PTPDC1: variants seen among roughly 807,000 people sequenced by gnomAD.
PTPDC1 encodes protein tyrosine phosphatase domain containing 1.
A neutral mutation model predicts 75.3 loss-of-function variants in PTPDC1; 53 were observed. The ratio of observed to expected loss-of-function variants is 0.70; its 90% CI spans 0.56 to 0.88. The LOEUF (loss-of-function observed/expected upper bound fraction) is 0.88, where lower values mean the gene tolerates loss of function less well. Among genes scored for constraint, PTPDC1 ranks in the 40% least tolerant of loss-of-function variants. The probability of loss-of-function intolerance (pLI) is 0.00; values close to 1 mark genes in which losing one functional copy is unlikely to be tolerated. For missense variants in PTPDC1, 925 were observed against 998.6 expected, an observed-to-expected ratio of 0.93 and a Z score of 0.99; for synonymous variants, 349 against 366.2, an observed-to-expected ratio of 0.95 and a Z score of 0.54.
rs114570151 is a variant in PTPDC1 at position 94,036,384 on chromosome 9, C to T, written c.-7+5257C>T. On this transcript the variant is annotated intron_variant, in intron 1 of 9. Transcript: ENST00000375360. ...TTGTAAGTGGTGTAAGATAGGAGTC[C>T]TGTTTGTTTCTTTTATTTTTTTTCA... Among the ~76,000 whole-genome samples the T allele has an allele frequency of 4.0e-3, 608 of 151,840 alleles. 4 individuals carry two copies. Among genetic ancestry groups the T allele is most frequent in the African/African-American group, 0.014 (567 of 41,420 alleles).
intron 1 of PTPDC1, among the ~76,000 whole-genome samples, chr9:94,050,040 C>G (rs1019808669): frequency 1.3e-5 from 2 of 152,080 alleles, no homozygotes; most frequent in African/African-American, 4.8e-5. Flanking sequence ...TCATGTAGTT[C>G]TCGTGGCTTG....
chr9:94,095,407 A>G lies in PTPDC1; in HGVS notation c.707A>G (p.Gln236Arg), dbSNP rs1171095206. The G allele has an allele frequency of 4.3e-6, 7 of 1,613,784 alleles. No individual in the cohort carries two copies. The highest frequency in any genetic ancestry group is 4.5e-5 in the East Asian group (2 of 44,860). The change falls in exon 5 of 9, where the codon CAG (glutamine) becomes CGG (arginine). Residue 236 changes from glutamine (Q) to arginine (R), a missense_variant. Transcript: ENST00000620992. ...DMVKVMTFAL[Q>R]EGKVAIHCHA... ...GTGAAGGTGATGACATTTGCCTTACAGGAAGGAAAAGTAGCTATCCATTGT... is the reference window on the plus strand; with the variant it reads ...GTGAAGGTGATGACATTTGCCTTACGGGAAGGAAAAGTAGCTATCCATTGT...
chr9:94,031,292 G>C (rs1829721294), intron 1 of PTPDC1, among the ~76,000 whole-genome samples: 2 of 152,252 alleles, frequency 1.3e-5, no homozygotes, highest in South Asian at 4.1e-4. Flanking sequence ...CTCACATTCA[G>C]ATGTCTGCAG....
At chr9:94,054,240 G>T (rs1458634879) in intron 1 of PTPDC1, among the ~76,000 whole-genome samples, 1 of 152,168 alleles carries the variant, frequency 6.6e-6, no homozygotes, top group Non-Finnish European at 1.5e-5. Context: ...ATTTTAATTA[G>T]GGTGATGTGG....
intron 1 of PTPDC1, among the ~76,000 whole-genome samples, chr9:94,046,105 C>T (rs1431447216): frequency 2.6e-5 from 4 of 152,164 alleles, no homozygotes; most frequent in Admixed American, 6.5e-5. Context: ...ATAGGGAATC[C>T]TTTCCCCATT....
intron 1 of PTPDC1, among the ~76,000 whole-genome samples, chr9:94,042,807 G>T (rs1401157435): frequency 1.3e-5 from 2 of 152,118 alleles, no homozygotes; most frequent in Non-Finnish European, 2.9e-5. Context: ...TTCAAAACTG[G>T]AGTCAGTCCT....
intron 1 of PTPDC1, among the ~76,000 whole-genome samples, chr9:94,047,091 T>C (rs1218901393): frequency 6.6e-6 from 1 of 152,232 alleles, no homozygotes; most frequent in Non-Finnish European, 1.5e-5. Flanking sequence ...TTTCTGCATC[T>C]ATTGAGATAA....
upstream of PTPDC1, among the ~76,000 whole-genome samples, chr9:94,081,272 G>A (rs1033700638): frequency 1.3e-5 from 2 of 152,122 alleles, no homozygotes; most frequent in African/African-American, 2.4e-5. Context: ...TTACAGGCAT[G>A]AGCCACCATG....
At chr9:94,104,576 G>C (rs1300578887) in intron 8 of PTPDC1, among the ~76,000 whole-genome samples, 191 bp downstream of exon 8, 1 of 152,208 alleles carries the variant, frequency 6.6e-6, no homozygotes, top group African/African-American at 2.4e-5. Context: ...TCCAAACAAT[G>C]ATCTTAGGAA....
chr9:94,069,874 G>A (rs549641603), intron 2 of PTPDC1, among the ~76,000 whole-genome samples: 55 of 146,682 alleles, frequency 3.7e-4, no homozygotes, highest in African/African-American at 1.3e-3. Context: ...GCCCAGGCTG[G>A]AGTGCAGTGG....
chr9:94,056,423 A>G lies in PTPDC1; in HGVS notation c.-6-8311A>G, dbSNP rs143948217. On this transcript the variant is annotated intron_variant, in intron 1 of 9. Transcript: ENST00000375360. ...ACAATATTTATTTAAGTGTGAGCAG[A>G]GGGCCTCTTACGTCAGAATGACCTA... Among the ~76,000 whole-genome samples the G allele has an allele frequency of 7.8e-3, 1,181 of 152,316 alleles. 7 individuals carry two copies. Among genetic ancestry groups the G allele is most frequent in the Non-Finnish European group, 0.012 (826 of 68,018 alleles).
intron 4 of PTPDC1, among the ~76,000 whole-genome samples, chr9:94,091,268 T>A (rs1587894720): frequency 6.6e-6 from 1 of 152,326 alleles, no homozygotes; most frequent in South Asian, 2.1e-4. Flanking sequence ...CAATGCCTAA[T>A]TTATTGAGAG....
rs1279953325 is a variant in PTPDC1, at chr9:94,031,456, T to TA, written c.-7+339dup. On this transcript the variant is annotated intron_variant, in intron 1 of 9. Transcript: ENST00000375360. ...TGATTTGTAAATGTTGGCAATCAAT[T>TA]AAAAAAAAAAGAAGAAACACTGGAA... 1.9e-3 allele frequency among the ~76,000 whole-genome samples: 275 copies of TA among 147,966 alleles called. 2 individuals carry two copies. Among genetic ancestry groups the TA allele is most frequent in the African/African-American group, 5.7e-3 (232 of 40,374 alleles).
At chr9:94,055,096 A>G (rs957798542) in intron 1 of PTPDC1, among the ~76,000 whole-genome samples, 2 of 152,248 alleles carry the variant, frequency 1.3e-5, no homozygotes, top group Non-Finnish European at 2.9e-5. Context: ...TTAAATATTT[A>G]AAACTATTTT....
chr9:94,089,350 T>C (rs1218975428), intron 4 of PTPDC1, among the ~76,000 whole-genome samples: 3 of 150,454 alleles, frequency 2.0e-5, no homozygotes, highest in Non-Finnish European at 3.0e-5. Flanking sequence ...GTTCTTGCGA[T>C]AGTTTACTGA....
chr9:94,100,143 T>C (rs752393440), intron 6 of PTPDC1: 5 of 152,216 alleles, frequency 3.3e-5, no homozygotes, highest in Non-Finnish European at 7.3e-5. Context: ...ATCTTGTGAA[T>C]TCAGTATCAC....
At position 94,085,454 on chromosome 9, in the gene PTPDC1, G is replaced by C. The variant is rs778229203; in HGVS notation, c.416+32G>C. The stretch of plus-strand genomic sequence containing the variant: ...GATCCTGTTGGTCTTTCATAGCTCT[G>C]TTGGATACAGGAAGGACACTCTGTG... On this transcript the variant is annotated intron_variant, in intron 2 of 8. Coordinates refer to ENST00000620992, the MANE Select transcript of PTPDC1 (RefSeq NM_001253829.2). 21 of 1,611,074 alleles carry C rather than the reference G, an allele frequency of 1.3e-5. No individual in the cohort carries two copies. The Middle Eastern group carries it at 2.5e-3, about 190-fold the overall frequency.
Position 94,098,107 on chromosome 9 carries a change from A to T in PTPDC1, c.1541A>T (p.Lys514Met). 2 of 1,614,220 alleles carry T rather than the reference A, an allele frequency of 1.2e-6. No homozygotes were observed. Among genetic ancestry groups the T allele is most frequent in the Non-Finnish European group, 1.7e-6 (2 of 1,180,048 alleles). ...RSTLSFWSQS[K>M]FGGLEGLKDN... Reference sequence around the variant, plus strand: ...ACACTTTCTTTCTGGAGTCAGTCAAAGTTTGGAGGCCTGGAAGGACTCAAA... The same window carrying T: ...ACACTTTCTTTCTGGAGTCAGTCAATGTTTGGAGGCCTGGAAGGACTCAAA... Residue 514 changes from lysine to methionine, a missense_variant, in exon 6 of 9, where the codon AAG (lysine) becomes ATG (methionine). Physicochemically the swap from Lys to Met is moderately conservative, Grantham distance 95. Transcript: ENST00000620992.
At chr9:94,048,692 G>A (rs571221778) in intron 1 of PTPDC1, among the ~76,000 whole-genome samples, 1 of 152,320 alleles carries the variant, frequency 6.6e-6, no homozygotes, top group South Asian at 2.1e-4. Context: ...TTGCCTTGGG[G>A]TGGAGAGTTC....
Sources: allele counts gnomAD v4.1 joint callset (sites outside exome capture counted in the v4.1 genomes callset), GRCh38; gene constraint gnomAD v4.1.1; transcripts MANE v1.5; gene names NCBI Gene and HGNC (gene_info 2026-07-23, HGNC 2026-07-21).